Variants in UBE3D observed in about 807,000 individuals in gnomAD.
The protein encoded by UBE3D is E3 ubiquitin-protein ligase E3D.
A neutral mutation model predicts 49.6 loss-of-function variants in UBE3D; 48 were observed. The observed-to-expected ratio is 0.97, with a 90% CI of 0.77 to 1.23. The LOEUF (loss-of-function observed/expected upper bound fraction) is 1.23, where lower values mean the gene tolerates loss of function less well. UBE3D is among the 50% of genes most tolerant of loss of function. UBE3D has a pLI of 0.00. For missense variants in UBE3D, 452 were observed against 468.4 expected (o/e 0.96, Z 0.32); for synonymous variants, 189 against 174.2 (o/e 1.08, Z -0.67).
intron 8 of UBE3D, among the ~76,000 whole-genome samples, chr6:83,001,929 C>A (rs1022281353): frequency 6.6e-6 from 1 of 150,786 alleles, no homozygotes; most frequent in Non-Finnish European, 1.5e-5. Flanking sequence ...CACAGTGATT[C>A]TTAATTTTTT....
intron 8 of UBE3D, among the ~76,000 whole-genome samples, chr6:82,973,524 A>G (rs1777498305): frequency 1.3e-5 from 2 of 152,068 alleles, no homozygotes; most frequent in South Asian, 4.2e-4. Flanking sequence ...AATTTCATTG[A>G]AACTTCCGAA....
intron 1 of UBE3D, among the ~76,000 whole-genome samples, chr6:83,065,092 G>C (rs1784410524): frequency 6.6e-6 from 1 of 152,174 alleles, no homozygotes; most frequent in Admixed American, 6.5e-5. Context: ...AAATGAACGA[G>C]CTCCAGTAAG....
rs1782131089 is a variant in UBE3D, at chr6:83,034,859, T to C, written c.667+3557A>G. ...ATACACATCAAACAAATCAAATAAT[T>C]TATCAATTCCACTTTATAACTAAAA... On this transcript the variant is annotated intron_variant, in intron 5 of 9. Transcript: ENST00000369747. 5.3e-5 allele frequency among the ~76,000 whole-genome samples: 8 copies of C among 151,950 alleles called. No individual in the cohort carries two copies. In the South Asian group the frequency reaches 1.7e-3, roughly 32 times the overall value.
intron 9 of UBE3D, among the ~76,000 whole-genome samples, chr6:82,933,635 G>T (rs148514701): frequency 6.6e-6 from 1 of 152,262 alleles, no homozygotes; most frequent in African/African-American, 2.4e-5. Context: ...GCCACAACTT[G>T]CCTTTTTTAC....
At position 83,028,461 on chromosome 6, in the gene UBE3D, T is replaced by G. The variant is rs754565454; in HGVS notation, c.668-4423A>C. Among the ~76,000 whole-genome samples, 72 of 152,310 alleles carry G rather than the reference T, an allele frequency of 4.7e-4. 2 individuals are homozygous for G. The highest frequency in any genetic ancestry group is 1.5e-3 in the South Asian group (7 of 4,826). On this transcript the variant is annotated intron_variant, in intron 5 of 9. Transcript: ENST00000369747. Reference sequence around the variant, plus strand: ...TCCCTCAAGTCCCAAAGGATTGATCTCTGTCTACAATTCCACAGGGCTGTT... The same window carrying G: ...TCCCTCAAGTCCCAAAGGATTGATCGCTGTCTACAATTCCACAGGGCTGTT...
intron 9 of UBE3D, among the ~76,000 whole-genome samples, chr6:82,929,890 A>G (rs1774018435): frequency 6.6e-6 from 1 of 152,186 alleles, no homozygotes; most frequent in Non-Finnish European, 1.5e-5. Context: ...ATACACTGAC[A>G]CATCCTTATC....
rs1450435846 is a variant in UBE3D at position 82,971,071 on chromosome 6, AC to A, written c.1011-13622del. 4.6e-5 allele frequency among the ~76,000 whole-genome samples: 7 copies of A among 152,118 alleles called. No individual in the cohort carries two copies. In the East Asian group the frequency reaches 1.4e-3, roughly 29 times the overall value. On this transcript the variant is annotated intron_variant, in intron 8 of 9. Coordinates refer to ENST00000369747, the MANE Select transcript of UBE3D (RefSeq NM_198920.3). ...AGCATAATGTTTTCAAGATTTATGG[AC>A]CCCTGAGTAAGGATCGCTGCTTTTC...
In UBE3D at chr6:82,947,696, TAAATC is replaced by T. The variant is rs942147718; in HGVS notation, c.1149+9611_1149+9615del. ...CTCTGACCACAATGGAATAAAACCT[TAAATC>T]AATAACAAGAGGAATTTTGAAAACT... On this transcript the variant is annotated intron_variant, in intron 9 of 9. Coordinates refer to ENST00000369747, the MANE Select transcript of UBE3D (RefSeq NM_198920.3). 1.8e-4 allele frequency among the ~76,000 whole-genome samples: 28 copies of T among 151,932 alleles called. 1 individual carries two copies. The highest frequency in any genetic ancestry group is 6.7e-4 in the African/African-American group (28 of 41,516).
intron 9 of UBE3D, among the ~76,000 whole-genome samples, chr6:82,920,405 T>C (rs760873445): frequency 7.2e-5 from 11 of 152,256 alleles, no homozygotes; most frequent in Non-Finnish European, 1.2e-4. Flanking sequence ...TAAGACCACA[T>C]TGATCTATAA....
intron 8 of UBE3D, among the ~76,000 whole-genome samples, chr6:83,007,404 T>C (rs1161252709): frequency 2.0e-5 from 3 of 152,148 alleles, no homozygotes; most frequent in Non-Finnish European, 4.4e-5. Flanking sequence ...GTGAAGAGAA[T>C]TCAATTTTAG....
Position 83,057,861 on chromosome 6 carries a change from T to C in UBE3D, c.239A>G (p.His80Arg). 2 of 1,614,126 alleles carry C rather than the reference T, an allele frequency of 1.2e-6. No homozygotes were observed. Among genetic ancestry groups the C allele is most frequent in the Non-Finnish European group, 1.7e-6 (2 of 1,180,022 alleles). ...GLQFVVGDGL[H>R]LRLQTQAKLG... ...TTTTGCTTGCGTCTGCAGTCGCAGGTGCAGTCCATCTCCAACAACAAACTG... is the reference window on the plus strand; with the variant it reads ...TTTTGCTTGCGTCTGCAGTCGCAGGCGCAGTCCATCTCCAACAACAAACTG... Residue 80 changes from histidine to arginine, a missense_variant, in exon 2 of 10, where the codon CAC becomes CGC. By Grantham distance (29) the His-to-Arg change is conservative (BLOSUM62 0). Transcript: ENST00000369747.
In UBE3D at chr6:82,985,008, C is replaced by CTTTTTTTTTTTT. The variant is rs70987727; in HGVS notation, c.1011-27570_1011-27559dup. 4.3e-4 allele frequency among the ~76,000 whole-genome samples: 23 copies of CTTTTTTTTTTTT among 52,988 alleles called. 1 individual carries two copies. The highest frequency in any genetic ancestry group is 1.2e-3 in the Admixed American group (4 of 3,250). 34.8% of individuals were successfully genotyped at this position (52,988 alleles called of 152,430 possible). A position where few individuals can be genotyped will look rare whatever the true frequency, so the allele number is the denominator to read the frequency against. On this transcript the variant is annotated intron_variant, in intron 8 of 9. Coordinates refer to ENST00000369747, the MANE Select transcript of UBE3D (RefSeq NM_198920.3). Reference sequence around the variant, plus strand: ...AATTTTTTTCTTTCTTCTTCTTCTTCTTTTTTTTTTTTTTTTTTTTTTTTG... The same window carrying CTTTTTTTTTTTT: ...AATTTTTTTCTTTCTTCTTCTTCTTCTTTTTTTTTTTTTTTTTTTTTTTTTTTTTTTTTTTTG...
At chr6:83,000,158 C>A (rs1779521464) in intron 8 of UBE3D, among the ~76,000 whole-genome samples, 1 of 152,134 alleles carries the variant, frequency 6.6e-6, no homozygotes, top group Non-Finnish European at 1.5e-5. Context: ...AATAATCTTA[C>A]CCATGCCATT....
chr6:83,026,615 T>C (rs1286490652), intron 5 of UBE3D, among the ~76,000 whole-genome samples: 5 of 152,142 alleles, frequency 3.3e-5, no homozygotes, highest in African/African-American at 1.2e-4. Flanking sequence ...TGAAGATGTG[T>C]CAATATTTAC....
intron 8 of UBE3D, among the ~76,000 whole-genome samples, chr6:82,993,765 T>C (rs1282126460): frequency 6.6e-6 from 1 of 152,178 alleles, no homozygotes; most frequent in Non-Finnish European, 1.5e-5. Flanking sequence ...TTGGTCCAAT[T>C]AATAACAGGG....
chr6:82,923,752 T>C (rs1276597360), intron 9 of UBE3D, among the ~76,000 whole-genome samples: 1 of 152,200 alleles, frequency 6.6e-6, no homozygotes, highest in Non-Finnish European at 1.5e-5. Flanking sequence ...CATCTGTTAC[T>C]TATCTAGACT....
At chr6:82,903,157 C>CT (rs960757297) in intron 9 of UBE3D, among the ~76,000 whole-genome samples, 429 of 148,694 alleles carry the variant, frequency 2.9e-3, no homozygotes, top group Non-Finnish European at 5.0e-3. Context: ...TGCACGCATT[C>CT]TTTTTTTTTT....
At chr6:83,010,780 A>G (rs1460708745) in intron 8 of UBE3D, among the ~76,000 whole-genome samples, 1 of 152,158 alleles carries the variant, frequency 6.6e-6, no homozygotes, top group Non-Finnish European at 1.5e-5. Flanking sequence ...TAGTCTTTTC[A>G]TGTTTTTTTC....
intron 1 of UBE3D, among the ~76,000 whole-genome samples, chr6:83,058,843 C>T (rs963784986): frequency 1.3e-5 from 2 of 152,172 alleles, no homozygotes; most frequent in African/African-American, 4.8e-5. Flanking sequence ...TATGGATCTG[C>T]ACTTAGTTAG....
Sources: gnomAD v4.1 joint callset for allele counts (sites outside exome capture counted in the v4.1 genomes callset) on GRCh38, gnomAD v4.1.1 for gene constraint, MANE v1.5 for transcripts, NCBI Gene and HGNC (gene_info 2026-07-23, HGNC 2026-07-21) for gene names.